Variants in ANKMY1 observed in about 807,000 individuals in gnomAD.
ANKMY1 encodes ankyrin repeat and MYND domain-containing protein 1.
ANKMY1 carries 98 observed loss-of-function variants against 102.0 expected under a neutral mutation model. That is an observed-to-expected ratio of 0.96 (90% CI 0.82 to 1.14). ANKMY1 has a LOEUF of 1.14. ANKMY1 is among the 50% of genes most tolerant of loss of function. The pLI, the probability that ANKMY1 is intolerant of heterozygous loss-of-function variation, is 0.00. For missense variants in ANKMY1, 1,330 were observed against 1,347.6 expected (o/e 0.99, Z 0.20); for synonymous variants, 582 against 559.9 (o/e 1.04, Z -0.56).
rs1485471504 is a variant in ANKMY1, at chr2:240,544,449, GT to G, written c.480+8464del. On this transcript the variant is annotated intron_variant, in intron 4 of 17. Coordinates refer to ENST00000401804, the MANE Select transcript of ANKMY1 (RefSeq NM_001282771.3). ...TAAAACCTGATAGAACATTGGAGAAGTTTGGCTAATTAACATTGCTCAAAGT... is the reference window on the plus strand; with the variant it reads ...TAAAACCTGATAGAACATTGGAGAAGTTGGCTAATTAACATTGCTCAAAGT... Among the ~76,000 whole-genome samples, 9 of 152,362 alleles carry G rather than the reference GT, an allele frequency of 5.9e-5. No homozygotes were observed. In the East Asian group the frequency reaches 1.5e-3, roughly 26 times the overall value.
chr2:240,556,331 G>C (rs1437554510), intron 2 of ANKMY1, among the ~76,000 whole-genome samples: 2 of 152,192 alleles, frequency 1.3e-5, no homozygotes, highest in African/African-American at 4.8e-5. Context: ...CCCAGAGCGA[G>C]ATCCGCTCTC....
At chr2:240,521,449 G>A (rs1417473030) in intron 8 of ANKMY1, among the ~76,000 whole-genome samples, 1 of 148,306 alleles carries the variant, frequency 6.7e-6, no homozygotes, top group African/African-American at 2.5e-5. Flanking sequence ...TGTTGGTCTC[G>A]CTGACTTCAA....
At chr2:240,472,525 C>T in the ANKMY1 span, among the ~76,000 whole-genome samples, 15 of 152,212 alleles carry the variant, frequency 9.9e-5, no homozygotes, top group Admixed American at 3.3e-4. Context: ...CAGGGACTCA[C>T]GCAGTGACTG....
At chr2:240,501,112 ATG>A (rs376865345) in intron 13 of ANKMY1, among the ~76,000 whole-genome samples, 8 of 150,038 alleles carry the variant, frequency 5.3e-5, no homozygotes, top group Non-Finnish European at 7.4e-5. Flanking sequence ...GTGTGTGGAT[ATG>A]TGTGTGTGTG....
chr2:240,552,556 TA>T (rs1407232623), intron 4 of ANKMY1, among the ~76,000 whole-genome samples: 1 of 152,188 alleles, frequency 6.6e-6, no homozygotes, highest in African/African-American at 2.4e-5. Context: ...TATACTGTAA[TA>T]AAAGGGGGAA....
chr2:240,490,107 CT>C (rs1427287708), intron 15 of ANKMY1, among the ~76,000 whole-genome samples: 1 of 151,572 alleles, frequency 6.6e-6, no homozygotes, highest in Non-Finnish European at 1.5e-5. Flanking sequence ...TTTTCCATTT[CT>C]GATTTTATTT....
At chr2:240,500,680 G>C in intron 13 of ANKMY1, 115 bp from the exon 14 acceptor site, 1 of 817,066 alleles carries the variant, frequency 1.2e-6, no homozygotes, top group South Asian at 1.6e-5. Flanking sequence ...GGCCGCCCTT[G>C]CAGTGTGCGG....
chr2:240,523,648 C>G lies in ANKMY1; in HGVS notation c.1832+237G>C. On this transcript the variant is annotated intron_variant, in intron 8 of 17. Transcript: ENST00000401804. ...GGCTGGCGTGGTACTGAAAACAGCC[C>G]GTCACCGTGGCACCCCCACAGGGCT... 4 of 643,654 alleles carry G rather than the reference C, an allele frequency of 6.2e-6. No individual in the cohort carries two copies. In the Admixed American group the frequency reaches 1.2e-4, roughly 20 times the overall value. 39.9% of individuals were successfully genotyped at this position (643,654 alleles called of 1,614,324 possible).
intron 13 of ANKMY1, among the ~76,000 whole-genome samples, chr2:240,503,540 G>A (rs752838761): frequency 6.6e-6 from 1 of 152,190 alleles, no homozygotes; most frequent in Non-Finnish European, 1.5e-5. Context: ...CGAGCTTCAC[G>A]CGTTCATTTC....
intron 15 of ANKMY1, among the ~76,000 whole-genome samples, chr2:240,488,444 G>A (rs1462666371): frequency 6.6e-6 from 1 of 152,116 alleles, no homozygotes; most frequent in African/African-American, 2.4e-5. Flanking sequence ...GACTGCTTTG[G>A]CTATTTGGGA....
At chr2:240,536,669 C>T (rs2086835264) in intron 4 of ANKMY1, among the ~76,000 whole-genome samples, 1 of 152,214 alleles carries the variant, frequency 6.6e-6, no homozygotes, top group Non-Finnish European at 1.5e-5. Context: ...TTGCCTTTCT[C>T]TTCTCTACAA....
At chr2:240,486,593 T>G (rs2076087175) in intron 15 of ANKMY1, among the ~76,000 whole-genome samples, 1 of 152,246 alleles carries the variant, frequency 6.6e-6, no homozygotes, top group Non-Finnish European at 1.5e-5. Context: ...AATTTCACTT[T>G]CATGTTTGCA....
intron 11 of ANKMY1, 87 bp from the exon 12 acceptor site, chr2:240,509,542 T>C (rs1215858425): frequency 2.2e-6 from 2 of 929,804 alleles, no homozygotes; most frequent in Non-Finnish European, 3.2e-6. Context: ...TGCCATGAAA[T>C]CAATGTAGTC....
chr2:240,554,768 A>T, intron 3 of ANKMY1, 98 bp downstream of exon 3: 1 of 1,390,782 alleles, frequency 7.2e-7, no homozygotes, highest in Non-Finnish European at 9.9e-7. Context: ...CTTCCTGTTG[A>T]TGGGCCTAAA....
At chr2:240,474,876 T>G (rs568133084), downstream of ANKMY1, among the ~76,000 whole-genome samples, 4 of 152,244 alleles carry the variant, frequency 2.6e-5, no homozygotes, top group African/African-American at 7.2e-5. Flanking sequence ...ACAACTACAA[T>G]GAACATATGT....
intron 7 of ANKMY1, among the ~76,000 whole-genome samples, chr2:240,524,883 T>G (rs148071678): frequency 9.1e-4 from 138 of 152,376 alleles, no homozygotes; most frequent in African/African-American, 2.7e-3. Flanking sequence ...TGTTTGTGTT[T>G]TGAGCCATGG....
At chr2:240,560,481 C>T (rs1458630342), upstream of ANKMY1, 8 of 741,758 alleles carry the variant, frequency 1.1e-5, no homozygotes, top group Non-Finnish European at 1.5e-5. Flanking sequence ...TCCCGCCATG[C>T]CCCGGCCCCA....
chr2:240,510,004 C>T (rs1341765734), intron 11 of ANKMY1, among the ~76,000 whole-genome samples: 2 of 144,326 alleles, frequency 1.4e-5, no homozygotes. Context: ...CTTTGTGCCT[C>T]CCTGTCCTCC....
upstream of ANKMY1, among the ~76,000 whole-genome samples, chr2:240,558,968 G>A (rs961568358): frequency 6.6e-6 from 1 of 152,114 alleles, no homozygotes; most frequent in African/African-American, 2.4e-5. Context: ...CTAAAATGCT[G>A]ATCATGACCC....
Sources: allele counts gnomAD v4.1 joint callset (sites outside exome capture counted in the v4.1 genomes callset), GRCh38; gene constraint gnomAD v4.1.1; transcripts MANE v1.5; gene names NCBI Gene and HGNC (gene_info 2026-07-23, HGNC 2026-07-21).